Variants in CTNNA3 observed in about 807,000 individuals in gnomAD.
CTNNA3 encodes catenin alpha-3.
CTNNA3 carries 76 observed loss-of-function variants against 95.7 expected under a neutral mutation model. The observed-to-expected ratio is 0.79, with a 90% CI of 0.66 to 0.96. The LOEUF (loss-of-function observed/expected upper bound fraction) is 0.96. Among genes scored for constraint, CTNNA3 ranks in the 40% least tolerant of loss-of-function variants. The pLI, the probability that CTNNA3 is intolerant of heterozygous loss-of-function variation, is 0.00. For missense variants in CTNNA3, 1,191 were observed against 1,089.8 expected (o/e 1.09, Z -1.31); for synonymous variants, 431 against 374.4 (o/e 1.15, Z -1.74).
At chr10:66,690,159 T>C (rs1382870561) in intron 9 of CTNNA3, among the ~76,000 whole-genome samples, 1 of 152,110 alleles carries the variant, frequency 6.6e-6, no homozygotes, top group Non-Finnish European at 1.5e-5. Context: ...TGCATGTATA[T>C]GTGTGTATTT....
chr10:67,614,923 C>A (rs975549848), intron 2 of CTNNA3, among the ~76,000 whole-genome samples: 11 of 152,216 alleles, frequency 7.2e-5, no homozygotes, highest in African/African-American at 1.7e-4. Flanking sequence ...ACAATGATGT[C>A]TTTCCCTGTA....
chr10:67,513,972 C>T lies in CTNNA3; in HGVS notation c.579+7870G>A, dbSNP rs60761772. Among the ~76,000 whole-genome samples the T allele has an allele frequency of 2.8e-3, 426 of 152,246 alleles. 3 individuals are homozygous for T. The highest frequency in any genetic ancestry group is 9.8e-3 in the African/African-American group (408 of 41,542). ...CATTAGCAAAGTATGTGGCCTTGTA[C>T]AAGATATTTAATCTCCTTGCAACTC... On this transcript the variant is annotated intron_variant, in intron 5 of 17. Coordinates refer to ENST00000433211, the MANE Select transcript of CTNNA3 (RefSeq NM_013266.4).
chr10:66,088,648 T>G (rs2081087851), intron 14 of CTNNA3, among the ~76,000 whole-genome samples: 1 of 152,002 alleles, frequency 6.6e-6, no homozygotes, highest in Non-Finnish European at 1.5e-5. Context: ...CCAGTTTTCC[T>G]GCAGACAGCT....
chr10:66,952,820 T>C (rs1228291950), intron 7 of CTNNA3, among the ~76,000 whole-genome samples: 1 of 151,942 alleles, frequency 6.6e-6, no homozygotes, highest in Non-Finnish European at 1.5e-5. Flanking sequence ...GCTTGTAATT[T>C]ATTATATAAT....
chr10:67,704,572 A>G (rs559376568), intron 1 of CTNNA3, among the ~76,000 whole-genome samples: 2 of 152,354 alleles, frequency 1.3e-5, no homozygotes, highest in Admixed American at 6.5e-5. Context: ...CTGGCTAGCC[A>G]TTTGTAGAAA....
intron 5 of CTNNA3, among the ~76,000 whole-genome samples, chr10:67,511,904 T>C (rs10997686): frequency 0.057 from 8,740 of 152,254 alleles, 268 homozygotes; most frequent in South Asian, 0.14. Context: ...AGATTCAACT[T>C]CTTCCTGGTT....
intron 7 of CTNNA3, among the ~76,000 whole-genome samples, chr10:66,954,384 C>G: frequency 6.6e-6 from 1 of 152,054 alleles, no homozygotes. Flanking sequence ...TCCTCAGTGA[C>G]TGCAGAGGAG....
chr10:67,473,153 T>A (rs1281999187), intron 5 of CTNNA3, among the ~76,000 whole-genome samples: 1 of 152,238 alleles, frequency 6.6e-6, no homozygotes, highest in Non-Finnish European at 1.5e-5. Flanking sequence ...AAGACTATTA[T>A]TACATGATGA....
At chr10:66,797,141 G>A (rs926633895) in intron 7 of CTNNA3, among the ~76,000 whole-genome samples, 2 of 151,646 alleles carry the variant, frequency 1.3e-5, no homozygotes, top group Admixed American at 1.3e-4. Context: ...AGTGCCTCAA[G>A]TGATTATGTT....
At chr10:67,674,965 C>A (rs1159438543) in intron 1 of CTNNA3, among the ~76,000 whole-genome samples, 4 of 152,048 alleles carry the variant, frequency 2.6e-5, no homozygotes, top group African/African-American at 9.6e-5. Context: ...TTCTTCATAT[C>A]CTTACACATT....
At chr10:66,075,842 T>C (rs2893984) in intron 14 of CTNNA3, among the ~76,000 whole-genome samples, 3 of 150,664 alleles carry the variant, frequency 2.0e-5, no homozygotes, top group Non-Finnish European at 3.0e-5. Flanking sequence ...TCCACAATTT[T>C]TTTTTTGGCT....
intron 12 of CTNNA3, among the ~76,000 whole-genome samples, chr10:66,348,767 C>T (rs76867984): frequency 0.03 from 4,618 of 152,052 alleles, 232 homozygotes; most frequent in African/African-American, 0.1. Flanking sequence ...ATGTAATCTA[C>T]CAGAATCTGA....
intron 7 of CTNNA3, among the ~76,000 whole-genome samples, chr10:66,799,595 A>T (rs1165292805): frequency 5.3e-5 from 8 of 151,544 alleles, no homozygotes; most frequent in Non-Finnish European, 8.9e-5. Context: ...GAAGGTAGAG[A>T]CAAGCATTAG....
At chr10:67,547,468 C>T (rs1213604911) in intron 3 of CTNNA3, among the ~76,000 whole-genome samples, 2 of 152,184 alleles carry the variant, frequency 1.3e-5, no homozygotes, top group Admixed American at 1.3e-4. Flanking sequence ...TCAAGTCCCA[C>T]AGCTGTGATC....
At position 67,743,548 on chromosome 10, in the gene CTNNA3, A is replaced by C. The variant is rs1354010986; in HGVS notation, c.-2+19886T>G. Among the ~76,000 whole-genome samples, 4 of 151,392 alleles carry C rather than the reference A, an allele frequency of 2.6e-5. No homozygotes were observed. The East Asian group carries it at 7.7e-4, about 29-fold the overall frequency. On this transcript the variant is annotated intron_variant, in intron 1 of 17. Transcript: ENST00000684154. ...TGACAAACCCACAGCCAATATCATAATGAATGGGCAAAAACTGGAAGCATT... is the reference window on the plus strand; with the variant it reads ...TGACAAACCCACAGCCAATATCATACTGAATGGGCAAAAACTGGAAGCATT...
intron 7 of CTNNA3, chr10:66,928,411 G>A: frequency 6.2e-7 from 1 of 1,613,896 alleles, no homozygotes; most frequent in Non-Finnish European, 8.5e-7. Flanking sequence ...GAATGGGACG[G>A]GACCCTGCAC....
At chr10:67,098,159 A>T (rs1858128858) in intron 7 of CTNNA3, 1 of 163,510 alleles carries the variant, frequency 6.1e-6, no homozygotes, top group South Asian at 1.8e-4. Context: ...CAGTACCATA[A>T]TTTAATTACA....
At chr10:67,318,251 A>G (rs921917084) in intron 5 of CTNNA3, among the ~76,000 whole-genome samples, 1 of 152,144 alleles carries the variant, frequency 6.6e-6, no homozygotes, top group Non-Finnish European at 1.5e-5. Flanking sequence ...TATCAACTAC[A>G]TTAATAATTA....
intron 10 of CTNNA3, among the ~76,000 whole-genome samples, chr10:66,610,033 G>A (rs1844271477): frequency 1.3e-5 from 2 of 152,096 alleles, no homozygotes; most frequent in Non-Finnish European, 2.9e-5. Flanking sequence ...TTACTTATAA[G>A]TGGAAGCTAA....
Sources: gnomAD v4.1 joint callset for allele counts (sites outside exome capture counted in the v4.1 genomes callset) on GRCh38, gnomAD v4.1.1 for gene constraint, MANE v1.5 for transcripts, NCBI Gene and HGNC (gene_info 2026-07-23, HGNC 2026-07-21) for gene names.